The following KIAA1671 variants were observed in gnomAD, a reference collection of about 807,000 sequenced individuals.
KIAA1671 encodes the protein uncharacterized protein KIAA1671.
KIAA1671 carries 52 observed loss-of-function variants against 131.2 expected under a neutral mutation model. The observed-to-expected ratio is 0.40, with a 90% CI of 0.32 to 0.50. The LOEUF is 0.50. KIAA1671 is among the 20% of genes least tolerant of loss of function. The probability of loss-of-function intolerance (pLI) is 0.73; values close to 1 mark genes in which losing one functional copy is unlikely to be tolerated. For missense variants in KIAA1671, 2,360 were observed against 2,364.2 expected, an observed-to-expected ratio of 1.00 and a Z score of 0.04; for synonymous variants, 1,003 against 961.6, an observed-to-expected ratio of 1.04 and a Z score of -0.80.
intron 1 of KIAA1671, among the ~76,000 whole-genome samples, chr22:24,956,744 T>C (rs575301531): frequency 1.3e-4 from 19 of 151,856 alleles, no homozygotes; most frequent in African/African-American, 4.6e-4. Context: ...TGGTGGCGGG[T>C]GCCTGTAGTC....
chr22:25,095,670 C>G (rs928076207), intron 6 of KIAA1671, among the ~76,000 whole-genome samples: 1 of 152,066 alleles, frequency 6.6e-6, no homozygotes, highest in Admixed American at 6.6e-5. Flanking sequence ...AAAAACAAAA[C>G]AAAAATCAAG....
intron 6 of KIAA1671, among the ~76,000 whole-genome samples, chr22:25,133,982 T>C (rs1932565457): frequency 6.6e-6 from 1 of 152,210 alleles, no homozygotes; most frequent in African/African-American, 2.4e-5. Flanking sequence ...CAAGGGGAAC[T>C]TTCCATCTGG....
intron 5 of KIAA1671, 89 bp downstream of exon 5, chr22:25,041,614 T>C (rs1373009815): frequency 7.4e-7 from 1 of 1,352,482 alleles, no homozygotes; most frequent in Non-Finnish European, 9.8e-7. Context: ...GTGGCCCACT[T>C]TGGGTACATA....
intron 6 of KIAA1671, among the ~76,000 whole-genome samples, chr22:25,115,163 A>G (rs760738): frequency 0.86 from 130,568 of 152,238 alleles, 56,561 homozygotes; most frequent in African/African-American, 0.96. Flanking sequence ...AGGCACGTTT[A>G]TGCTGCACTC....
At chr22:25,014,847 T>TCACACC (rs1925220280) in intron 1 of KIAA1671, 1 of 152,162 alleles carries the variant, frequency 6.6e-6, no homozygotes, top group African/African-American at 2.4e-5. Flanking sequence ...AAAGAGGACA[T>TCACACC]CACACCCTTG....
chr22:24,981,853 G>T (rs1728540137), intron 1 of KIAA1671, among the ~76,000 whole-genome samples: 1 of 152,202 alleles, frequency 6.6e-6, no homozygotes, highest in African/African-American at 2.4e-5. Flanking sequence ...GCTGCAGCGA[G>T]CTGTGATTGC....
chr22:25,124,511 T>C (rs1358926501), intron 6 of KIAA1671, among the ~76,000 whole-genome samples: 1 of 152,214 alleles, frequency 6.6e-6, no homozygotes, highest in African/African-American at 2.4e-5. Flanking sequence ...AGAGCTTGGC[T>C]CTCCCTTCAG....
intron 1 of KIAA1671, among the ~76,000 whole-genome samples, chr22:24,958,222 T>C (rs1921822037): frequency 6.6e-6 from 1 of 152,066 alleles, no homozygotes; most frequent in Non-Finnish European, 1.5e-5. Context: ...ACTGCTGCCA[T>C]TTAAGAAGAA....
rs1210383125 is a variant in KIAA1671, at chr22:25,025,662, G to T, written c.-178G>T. The T allele has an allele frequency of 6.6e-6, 1 of 152,376 alleles. No homozygotes were observed. Among genetic ancestry groups the T allele is most frequent in the South Asian group, 2.1e-4 (1 of 4,820 alleles). The allele number at this position is 152,376 out of a possible 1,614,324, so 9.4% of individuals were successfully genotyped here. A position where few individuals can be genotyped will look rare whatever the true frequency, so the allele number is the denominator to read the frequency against. On this transcript the variant is annotated 5_prime_UTR_variant, in exon 2 of 13. Transcript: ENST00000358431. ...GCTGAAACTCAGCCTGCTGGGACGA[G>T]TCTTCTTTCCCCCTTCTTGTTTCTG...
At chr22:25,115,587 T>TG (rs1480255087) in intron 6 of KIAA1671, among the ~76,000 whole-genome samples, 1 of 152,078 alleles carries the variant, frequency 6.6e-6, no homozygotes, top group Non-Finnish European at 1.5e-5. Flanking sequence ...CGTTGCTTTT[T>TG]GGGGGGCTCA....
chr22:25,046,289 G>A (rs762440676), intron 5 of KIAA1671, among the ~76,000 whole-genome samples: 3 of 151,784 alleles, frequency 2.0e-5, no homozygotes, highest in Non-Finnish European at 4.4e-5. Flanking sequence ...GCAACAGAGC[G>A]AGACTCTGTC....
In KIAA1671 at chr22:25,040,562, C is replaced by T. The variant is rs1926859856; in HGVS notation, c.3432C>T (p.Ser1144=). The T allele has an allele frequency of 1.3e-6, 2 of 1,551,624 alleles. No homozygotes were observed. Among genetic ancestry groups the T allele is most frequent in the East Asian group, 2.4e-5 (1 of 40,930 alleles). Residue 1144 remains serine (S), a synonymous_variant, in exon 5 of 13, where the codon AGC becomes AGT. Transcript: ENST00000358431. ...CAGAAGATGGCCCTCGTCCTCAAAG[C>T]AATTGGAAGGAAAGTGCGAACAAGA... The part of the protein sequence containing the change: ...RGSEDGPRPQ[S]NWKESANKMS...
At chr22:25,026,083 A>G (rs1925928923) in intron 2 of KIAA1671, among the ~76,000 whole-genome samples, 1 of 152,110 alleles carries the variant, frequency 6.6e-6, no homozygotes, top group South Asian at 2.1e-4. Context: ...CTGTCCCTCC[A>G]TTCTACCTCT....
At chr22:25,043,595 G>A (rs913456612) in intron 5 of KIAA1671, among the ~76,000 whole-genome samples, 12 of 152,154 alleles carry the variant, frequency 7.9e-5, no homozygotes, top group South Asian at 2.1e-4. Context: ...GTGGGGAGAT[G>A]GGCCATTGTG....
At chr22:24,959,444 AC>A (rs1921898331) in intron 1 of KIAA1671, among the ~76,000 whole-genome samples, 1 of 152,058 alleles carries the variant, frequency 6.6e-6, no homozygotes, top group Non-Finnish European at 1.5e-5. Context: ...AATCACTTGA[AC>A]CTGGGAGGTG....
chr22:24,978,405 A>T (rs1048592676), intron 1 of KIAA1671, among the ~76,000 whole-genome samples: 2 of 151,894 alleles, frequency 1.3e-5, no homozygotes, highest in Non-Finnish European at 2.9e-5. Flanking sequence ...ATCCAATTAA[A>T]CCTCTTTTTC....
chr22:25,071,406 C>T (rs1281848782), intron 6 of KIAA1671, among the ~76,000 whole-genome samples: 1 of 152,148 alleles, frequency 6.6e-6, no homozygotes, highest in Non-Finnish European at 1.5e-5. Context: ...CCTCCTGAGC[C>T]CCCCAGAGCA....
chr22:25,104,483 C>T (rs1228862136), intron 6 of KIAA1671, among the ~76,000 whole-genome samples: 5 of 152,214 alleles, frequency 3.3e-5, no homozygotes, highest in Non-Finnish European at 7.3e-5. Context: ...ATGTCCAGAA[C>T]TCCGAGGGCA....
chr22:25,177,633 C>A, intron 9 of KIAA1671, 111 bp downstream of exon 9: 1 of 881,948 alleles, frequency 1.1e-6, no homozygotes, highest in Non-Finnish European at 1.7e-6. Context: ...CATTAGAACA[C>A]AATTACATAG....
Sources: allele counts gnomAD v4.1 joint callset (sites outside exome capture counted in the v4.1 genomes callset), GRCh38; gene constraint gnomAD v4.1.1; transcripts MANE v1.5; gene names NCBI Gene and HGNC (gene_info 2026-07-23, HGNC 2026-07-21).